DDX60: variants seen among roughly 807,000 people sequenced by gnomAD.
DDX60 encodes probable ATP-dependent RNA helicase DDX60.
DDX60 carries 165 observed loss-of-function variants against 212.8 expected under a neutral mutation model. The ratio of observed to expected loss-of-function variants is 0.78; its 90% CI spans 0.68 to 0.88. The LOEUF (loss-of-function observed/expected upper bound fraction) is 0.88. DDX60 is among the 40% of genes least tolerant of loss of function. The pLI, the probability that DDX60 is intolerant of heterozygous loss-of-function variation, is 0.00. For synonymous variants in DDX60, 703 were observed against 685.3 expected, an observed-to-expected ratio of 1.03 and a Z score of -0.40; for missense variants, 1,905 against 2,003.9, an observed-to-expected ratio of 0.95 and a Z score of 0.94.
At position 168,307,989 on chromosome 4, in the gene DDX60, C is replaced by T; in HGVS notation, c.264+17G>A. 6.7e-7 allele frequency: 1 copy of T among 1,485,502 alleles called. No homozygotes were observed. Among genetic ancestry groups the T allele is most frequent in the African/African-American group, 1.5e-5 (1 of 68,354 alleles). 92.0% of individuals were successfully genotyped at this position (1,485,502 alleles called of 1,614,324 possible). A position where few individuals can be genotyped will look rare whatever the true frequency, so the allele number is the denominator to read the frequency against. On this transcript the variant is annotated intron_variant, in intron 4 of 37. Coordinates refer to ENST00000393743, the MANE Select transcript of DDX60 (RefSeq NM_017631.6). ...TTAGTTCTCATATTATAAAAAAGAA[C>T]TCAACTATCATGTTACCTTGAAGAA...
chr4:168,311,189 T>A (rs1737118642), intron 2 of DDX60, 67 bp downstream of exon 2: 4 of 1,556,068 alleles, frequency 2.6e-6, no homozygotes, highest in African/African-American at 1.4e-5. Flanking sequence ...TTTAATTCCA[T>A]TAAATCTATG....
At chr4:168,231,355 A>G (rs1348050708) in intron 33 of DDX60, among the ~76,000 whole-genome samples, 1 of 151,714 alleles carries the variant, frequency 6.6e-6, no homozygotes, top group African/African-American at 2.4e-5. Flanking sequence ...AAATTGTTCT[A>G]TGAAGCCAAT....
At chr4:168,217,571 G>C (rs76125307) in intron 37 of DDX60, among the ~76,000 whole-genome samples, 3,079 of 152,272 alleles carry the variant, frequency 0.02, 122 homozygotes, top group African/African-American at 0.07. Context: ...ACATGGCAAA[G>C]GGGAATGAAT....
intron 1 of DDX60, among the ~76,000 whole-genome samples, chr4:168,313,385 C>T (rs6846811): frequency 0.078 from 11,799 of 152,100 alleles, 1,456 homozygotes; most frequent in African/African-American, 0.27. Context: ...GACAGGGTGA[C>T]TCATTGGAGA....
At chr4:168,297,302 GAAAGAAA>G in intron 6 of DDX60, among the ~76,000 whole-genome samples, 1 of 6,098 alleles carries the variant, frequency 1.6e-4, no homozygotes. Flanking sequence ...AGAGACGAAA[GAAAGAAA>G]GAAAGAAAGA....
chr4:168,249,275 A>C (rs1206921180), intron 28 of DDX60, among the ~76,000 whole-genome samples: 1 of 152,206 alleles, frequency 6.6e-6, no homozygotes, highest in East Asian at 1.9e-4. Flanking sequence ...CAAACTTAAA[A>C]GTTTACTTAG....
chr4:168,254,662 T>C (rs1028985214), intron 26 of DDX60, among the ~76,000 whole-genome samples: 11 of 152,116 alleles, frequency 7.2e-5, no homozygotes, highest in African/African-American at 2.7e-4. Context: ...TACATTACAA[T>C]AATTGATCTA....
chr4:168,248,577 C>T (rs746337645), intron 28 of DDX60, among the ~76,000 whole-genome samples: 14 of 152,152 alleles, frequency 9.2e-5, no homozygotes, highest in Non-Finnish European at 1.6e-4. Flanking sequence ...CTCACCACAT[C>T]CAAAATAACC....
intron 6 of DDX60, among the ~76,000 whole-genome samples, chr4:168,302,015 A>G (rs1057155707): frequency 6.6e-6 from 1 of 152,254 alleles, no homozygotes; most frequent in African/African-American, 2.4e-5. Context: ...GACACTCAAA[A>G]GTGTGACTGA....
chr4:168,290,472 G>A (rs1032763613), intron 8 of DDX60, among the ~76,000 whole-genome samples: 3 of 151,668 alleles, frequency 2.0e-5, no homozygotes, highest in Non-Finnish European at 4.4e-5. Context: ...GGGACTACAG[G>A]TGCCTACCAC....
At chr4:168,273,059 A>C (rs962835417) in intron 18 of DDX60, among the ~76,000 whole-genome samples, 1 of 152,204 alleles carries the variant, frequency 6.6e-6, no homozygotes, top group African/African-American at 2.4e-5. Flanking sequence ...TATTAATGAA[A>C]TCAGAAATCC....
chr4:168,288,349 A>C, intron 8 of DDX60, 34 bp from the exon 9 acceptor site: 1 of 1,389,026 alleles, frequency 7.2e-7, no homozygotes, highest in South Asian at 1.3e-5. Context: ...GTTATTGGCA[A>C]TATTCATATT....
chr4:168,290,011 C>T (rs1400477073), intron 8 of DDX60, among the ~76,000 whole-genome samples: 1 of 152,192 alleles, frequency 6.6e-6, no homozygotes, highest in Non-Finnish European at 1.5e-5. Context: ...GCCACTCATC[C>T]ATTTGAAACC....
At chr4:168,226,906 A>C (rs1366542821) in intron 33 of DDX60, among the ~76,000 whole-genome samples, 1 of 152,078 alleles carries the variant, frequency 6.6e-6, no homozygotes, top group Admixed American at 6.6e-5. Flanking sequence ...GGGACGGAGA[A>C]GTGAATGTTT....
chr4:168,227,212 T>G (rs1733289030), intron 33 of DDX60, among the ~76,000 whole-genome samples: 1 of 44,768 alleles, frequency 2.2e-5, no homozygotes, highest in South Asian at 7.4e-4. Flanking sequence ...GTGGGAATGT[T>G]TTTTTTTTTT....
At chr4:168,306,841 T>C (rs1736905824) in intron 4 of DDX60, 121 bp from the exon 5 acceptor site, 1 of 737,136 alleles carries the variant, frequency 1.4e-6, no homozygotes, top group Non-Finnish European at 2.2e-6. Context: ...TGTCTGATGG[T>C]CGGGGAATAG....
intron 1 of DDX60, among the ~76,000 whole-genome samples, chr4:168,315,663 G>A (rs1005414854): frequency 2.0e-5 from 3 of 152,180 alleles, no homozygotes; most frequent in African/African-American, 7.2e-5. Flanking sequence ...ACTTATGAGT[G>A]AGAACATGTG....
At chr4:168,283,423 T>G (rs774029019) in intron 13 of DDX60, 23 bp downstream of exon 13, 1 of 1,600,298 alleles carries the variant, frequency 6.2e-7, no homozygotes, top group Non-Finnish European at 8.5e-7. Context: ...TTTTTTTAAT[T>G]GGATAGAATT....
rs752549462 is a variant in DDX60, at chr4:168,280,561, C to G, written c.1752G>C (p.Glu584Asp). 6.2e-7 allele frequency: 1 copy of G among 1,613,424 alleles called. No homozygotes were observed. Among genetic ancestry groups the G allele is most frequent in the African/African-American group, 1.3e-5 (1 of 74,920 alleles). The change falls in exon 14 of 38, where the codon GAG becomes GAC. Residue 584 changes from glutamate to aspartate, a missense_variant. Coordinates refer to ENST00000393743, the MANE Select transcript of DDX60 (RefSeq NM_017631.6). Reference sequence around the variant, plus strand: ...CCCTGGCAAATAACCTTTTCTTATTCTCTCTAGCAATTATTTCAGCCTTGG... The same window carrying G: ...CCCTGGCAAATAACCTTTTCTTATTGTCTCTAGCAATTATTTCAGCCTTGG... ...HETKAEIIAR[E>D]NKKRLFAREE...
Sources: allele counts gnomAD v4.1 joint callset (sites outside exome capture counted in the v4.1 genomes callset), GRCh38; gene constraint gnomAD v4.1.1; transcripts MANE v1.5; gene names NCBI Gene and HGNC (gene_info 2026-07-23, HGNC 2026-07-21).